Variants in KALRN observed in about 807,000 individuals in gnomAD.
KALRN encodes kalirin.
In KALRN, 70 loss-of-function variants were observed where a neutral mutation model predicts 353.7. That is an observed-to-expected ratio of 0.20 (90% CI 0.16 to 0.24). KALRN has a LOEUF of 0.24. Ranked by LOEUF, KALRN falls within the 10% of genes least tolerant of loss-of-function variation. The pLI is 1.00. For synonymous variants in KALRN, 1,391 were observed against 1,434.8 expected (o/e 0.97, Z 0.69); for missense variants, 2,791 against 3,756.7 (o/e 0.74, Z 6.72).
chr3:124,696,879 C>T (rs2062077960), intron 54 of KALRN, among the ~76,000 whole-genome samples: 2 of 152,164 alleles, frequency 1.3e-5, no homozygotes, highest in Admixed American at 6.5e-5. Context: ...TGCTTCTTGG[C>T]CACCACTGCT....
intron 10 of KALRN, among the ~76,000 whole-genome samples, chr3:124,375,199 C>T (rs989201663): frequency 6.6e-6 from 1 of 152,162 alleles, no homozygotes; most frequent in Non-Finnish European, 1.5e-5. Flanking sequence ...TATGAATACC[C>T]GCTGGCTATA....
At chr3:124,044,541 G>A (rs913721262) in intron 1 of KALRN, among the ~76,000 whole-genome samples, 1 of 150,942 alleles carries the variant, frequency 6.6e-6, no homozygotes, top group Admixed American at 6.6e-5. Flanking sequence ...TTGAACCCAG[G>A]AGGTGGATGT....
chr3:124,251,384 T>C (rs2071146370), intron 3 of KALRN, among the ~76,000 whole-genome samples: 1 of 151,390 alleles, frequency 6.6e-6, no homozygotes, highest in Admixed American at 6.6e-5. Flanking sequence ...TTTTTCTTTT[T>C]TTTTGAGACA....
intron 1 of KALRN, among the ~76,000 whole-genome samples, chr3:124,110,477 A>G (rs931015384): frequency 2.0e-4 from 30 of 150,580 alleles, no homozygotes; most frequent in African/African-American, 6.9e-4. Flanking sequence ...GCGCACACAC[A>G]CACACACACA....
chr3:124,191,803 G>A (rs1281986441), intron 1 of KALRN, among the ~76,000 whole-genome samples: 1 of 152,176 alleles, frequency 6.6e-6, no homozygotes, highest in Non-Finnish European at 1.5e-5. Context: ...GAGGCTGTAA[G>A]GCTTTAGGAG....
At position 124,438,986 on chromosome 3, in the gene KALRN, T is replaced by G; in HGVS notation, c.3147T>G (p.His1049Gln). 1 of 1,614,106 alleles carries G rather than the reference T, an allele frequency of 6.2e-7. No homozygotes were observed. Among genetic ancestry groups the G allele is most frequent in the Non-Finnish European group, 8.5e-7 (1 of 1,180,006 alleles). ...DKLGPAAEID[H>Q]VIPLISKHLE... is the part of the protein sequence containing the mutation. ...TGGGGCCAGCAGCAGAGATCGACCA[T>G]GTCATTCCCCTCATCAGCAAACATT... The change falls in exon 18 of 60, where the codon CAT (histidine) becomes CAG (glutamine). Residue 1049 changes from histidine to glutamine, a missense_variant. Around this residue, in one of 11 missense-constraint regions of KALRN, gnomAD observed 452 missense variants for 575.8 expected, o/e 0.78. Coordinates refer to ENST00000682506, the MANE Select transcript of KALRN (RefSeq NM_001388419.1).
intron 10 of KALRN, among the ~76,000 whole-genome samples, chr3:124,378,199 A>G (rs929475880): frequency 4.0e-5 from 6 of 151,866 alleles, no homozygotes; most frequent in African/African-American, 1.5e-4. Context: ...CTGATCAACT[A>G]TAACTCTTTA....
chr3:124,457,226 T>A (rs530163986), intron 23 of KALRN, among the ~76,000 whole-genome samples: 26 of 152,178 alleles, frequency 1.7e-4, no homozygotes, highest in Admixed American at 3.9e-4. Context: ...TGCGCCACCA[T>A]GCCTAGCTAA....
intron 34 of KALRN, among the ~76,000 whole-genome samples, chr3:124,592,162 T>G (rs1001447831): frequency 2.2e-4 from 33 of 151,758 alleles, no homozygotes; most frequent in African/African-American, 8.0e-4. Context: ...ATTACCTGGG[T>G]GTGGTGGTGC....
intron 6 of KALRN, among the ~76,000 whole-genome samples, chr3:124,302,634 G>T (rs931796356): frequency 1.3e-5 from 2 of 152,222 alleles, no homozygotes; most frequent in African/African-American, 4.8e-5. Context: ...GACCATTACT[G>T]AGAGTATTAA....
intron 16 of KALRN, 72 bp downstream of exon 16, chr3:124,430,847 A>C: frequency 7.4e-5 from 113 of 1,522,866 alleles, no homozygotes; most frequent in Non-Finnish European, 9.2e-5. Flanking sequence ...GGTGATTCTC[A>C]GGTGTGGGTG....
intron 57 of KALRN, among the ~76,000 whole-genome samples, chr3:124,711,314 A>T (rs1314822709): frequency 6.6e-6 from 1 of 152,184 alleles, no homozygotes; most frequent in Non-Finnish European, 1.5e-5. Flanking sequence ...GAGCCATTGC[A>T]CCTGGCCTTA....
intron 34 of KALRN, among the ~76,000 whole-genome samples, chr3:124,590,090 G>C (rs1328270387): frequency 6.6e-6 from 1 of 152,006 alleles, no homozygotes; most frequent in African/African-American, 2.4e-5. Context: ...GGAAGAAGTA[G>C]CACACATATT....
intron 6 of KALRN, among the ~76,000 whole-genome samples, chr3:124,300,738 T>C (rs2077200321): frequency 6.6e-6 from 1 of 152,174 alleles, no homozygotes; most frequent in South Asian, 2.1e-4. Context: ...GAGACTTGCA[T>C]AGAAAGATCA....
In KALRN at chr3:124,056,342, C is replaced by T. The variant is rs567244230; in HGVS notation, c.73+22529C>T. On this transcript the variant is annotated intron_variant, in intron 1 of 59. Coordinates refer to ENST00000682506, the MANE Select transcript of KALRN (RefSeq NM_001388419.1). ...GTGGAGACCTCGAGTCGTCTGGCTG[C>T]CTTGTGCAGTTCTATGTCTGTAGCG... is the stretch of plus-strand genomic sequence containing the variant. Among the ~76,000 whole-genome samples the T allele has an allele frequency of 6.6e-5, 10 of 152,200 alleles. No individual in the cohort carries two copies. In the South Asian group the frequency reaches 2.1e-3, roughly 32 times the overall value.
intron 34 of KALRN, among the ~76,000 whole-genome samples, chr3:124,580,573 T>C (rs1395865538): frequency 6.6e-6 from 1 of 152,236 alleles, no homozygotes; most frequent in Non-Finnish European, 1.5e-5. Flanking sequence ...CTGGAGAATC[T>C]AGGCATCTAT....
intron 1 of KALRN, among the ~76,000 whole-genome samples, chr3:124,161,287 G>A (rs2069904323): frequency 6.6e-6 from 1 of 152,180 alleles, no homozygotes; most frequent in Non-Finnish European, 1.5e-5. Flanking sequence ...GCTTGTATTT[G>A]CAATCATTGC....
intron 14 of KALRN, among the ~76,000 whole-genome samples, chr3:124,419,864 G>A (rs1056100162): frequency 4.6e-5 from 7 of 152,134 alleles, no homozygotes; most frequent in Non-Finnish European, 1.0e-4. Context: ...ATTTCTAAGA[G>A]CCCCTAAGAA....
At chr3:124,591,690 T>A (rs1360960731) in intron 34 of KALRN, among the ~76,000 whole-genome samples, 1 of 151,642 alleles carries the variant, frequency 6.6e-6, no homozygotes, top group Non-Finnish European at 1.5e-5. Context: ...TCTAAAAAAA[T>A]TAGCTATTAA....
Sources: allele counts gnomAD v4.1 joint callset (sites outside exome capture counted in the v4.1 genomes callset), GRCh38; gene constraint gnomAD v4.1.1; regional missense constraint gnomAD v4.1.1; transcripts MANE v1.5; gene names NCBI Gene and HGNC (gene_info 2026-07-23, HGNC 2026-07-21).